COMMD10: variants seen among roughly 807,000 people sequenced by gnomAD.
The protein encoded by COMMD10 is COMM domain-containing protein 10.
In COMMD10, 33 loss-of-function variants were observed where a neutral mutation model predicts 28.9. The observed-to-expected ratio is 1.14, with a 90% confidence interval of 0.87 to 1.53. The LOEUF (loss-of-function observed/expected upper bound fraction) is 1.53, where lower values mean the gene tolerates loss of function less well. COMMD10 is among the 40% of genes most tolerant of loss of function. The pLI, the probability that COMMD10 is intolerant of heterozygous loss-of-function variation, is 0.00. For synonymous variants in COMMD10, 110 were observed against 81.7 expected (o/e 1.35, Z -1.87); for missense variants, 310 against 233.4 (o/e 1.33, Z -2.14).
intron 5 of COMMD10, among the ~76,000 whole-genome samples, chr5:116,254,564 TCA>T (rs749890631): frequency 0.023 from 3,438 of 151,630 alleles, 50 homozygotes; most frequent in Non-Finnish European, 0.033. Flanking sequence ...TACCCAGTAG[TCA>T]TTCAGGAGCA....
chr5:116,122,421 C>T (rs959312652), intron 4 of COMMD10, among the ~76,000 whole-genome samples: 1,154 of 147,590 alleles, frequency 7.8e-3, no homozygotes, highest in African/African-American at 0.028. Context: ...AACGTGATGC[C>T]TCCAGCTTTG....
chr5:116,221,169 C>T (rs189779546), intron 5 of COMMD10, among the ~76,000 whole-genome samples: 16 of 151,356 alleles, frequency 1.1e-4, no homozygotes, highest in Middle Eastern at 3.4e-3. Flanking sequence ...AAACTACAGG[C>T]ACCAGCTGGT....
chr5:116,258,449 A>AT (rs58266995), intron 5 of COMMD10, among the ~76,000 whole-genome samples: 16,872 of 150,486 alleles, frequency 0.11, 1,539 homozygotes, highest in African/African-American at 0.23. Context: ...CTCTGGATTG[A>AT]TTTTTTTTTG....
At chr5:116,235,833 C>T (rs1221291133) in intron 5 of COMMD10, among the ~76,000 whole-genome samples, 1 of 152,094 alleles carries the variant, frequency 6.6e-6, no homozygotes, top group Non-Finnish European at 1.5e-5. Context: ...TATTTGGATT[C>T]AAGTATTTTA....
chr5:116,085,146 G>T (rs1377165458), intron 1 of COMMD10, 53 bp downstream of exon 1: 5 of 1,575,280 alleles, frequency 3.2e-6, no homozygotes, highest in Non-Finnish European at 4.3e-6. Flanking sequence ...GGCCCAGATC[G>T]GGCTCGCACA....
intron 5 of COMMD10, among the ~76,000 whole-genome samples, chr5:116,208,375 T>C (rs1748872224): frequency 6.6e-6 from 1 of 152,136 alleles, no homozygotes; most frequent in African/African-American, 2.4e-5. Context: ...TCTTGGAAGC[T>C]TCCTCATTTA....
At chr5:116,182,854 T>TG (rs1374390524) in intron 5 of COMMD10, among the ~76,000 whole-genome samples, 1 of 152,102 alleles carries the variant, frequency 6.6e-6, no homozygotes, top group Non-Finnish European at 1.5e-5. Context: ...AATTGGATCA[T>TG]GGGGGCAGTT....
chr5:116,236,946 A>C (rs1749680772), intron 5 of COMMD10, among the ~76,000 whole-genome samples: 1 of 152,096 alleles, frequency 6.6e-6, no homozygotes, highest in South Asian at 2.1e-4. Context: ...GCGAAACTAA[A>C]GCCGATCTAA....
chr5:116,248,498 C>G (rs1054579309), intron 5 of COMMD10, among the ~76,000 whole-genome samples: 2 of 152,070 alleles, frequency 1.3e-5, no homozygotes, highest in East Asian at 3.9e-4. Context: ...CTGATCTATG[C>G]CAGGTGTGCG....
At chr5:116,268,009 T>C (rs1377782406) in intron 5 of COMMD10, among the ~76,000 whole-genome samples, 1 of 151,766 alleles carries the variant, frequency 6.6e-6, no homozygotes, top group Non-Finnish European at 1.5e-5. Context: ...GAAGAAAACC[T>C]AGGCAATACC....
chr5:116,135,962 A>C (rs900932045), intron 5 of COMMD10, among the ~76,000 whole-genome samples: 1 of 152,188 alleles, frequency 6.6e-6, no homozygotes, highest in Non-Finnish European at 1.5e-5. Flanking sequence ...ATTTTTATGA[A>C]GACTAAATAC....
chr5:116,130,656 C>T (rs1751834543), intron 4 of COMMD10, among the ~76,000 whole-genome samples: 1 of 151,992 alleles, frequency 6.6e-6, no homozygotes. Flanking sequence ...ATCAAATAGT[C>T]TGTGACCCAA....
At chr5:116,124,156 A>G (rs1028282341) in intron 4 of COMMD10, among the ~76,000 whole-genome samples, 16 of 151,726 alleles carry the variant, frequency 1.1e-4, no homozygotes, top group Non-Finnish European at 2.1e-4. Flanking sequence ...TTTAAATGTG[A>G]TGTTAGGGTG....
intron 5 of COMMD10, among the ~76,000 whole-genome samples, chr5:116,201,650 G>A (rs1748670772): frequency 1.3e-5 from 2 of 152,000 alleles, no homozygotes; most frequent in Non-Finnish European, 1.5e-5. Context: ...AGGATGAAAT[G>A]GTGACTTCCA....
chr5:116,151,454 C>T (rs146933382), intron 5 of COMMD10, among the ~76,000 whole-genome samples: 75,499 of 151,908 alleles, frequency 0.5, 21,748 homozygotes, highest in Non-Finnish European at 0.65. Context: ...CTCCTCGTAC[C>T]TCTGGTAGAA....
intron 4 of COMMD10, among the ~76,000 whole-genome samples, chr5:116,132,509 G>C (rs560180395): frequency 3.6e-4 from 55 of 152,012 alleles, no homozygotes; most frequent in Non-Finnish European, 5.9e-4. Flanking sequence ...ATCACAGTGG[G>C]GTGTGAGTTT....
chr5:116,123,397 C>T lies in COMMD10; in HGVS notation c.400-10671C>T, dbSNP rs1580464431. Among the ~76,000 whole-genome samples the T allele has an allele frequency of 3.9e-5, 6 of 152,244 alleles. 1 individual carries two copies. Among genetic ancestry groups the T allele is most frequent in the Admixed American group, 3.9e-4 (6 of 15,280 alleles). On this transcript the variant is annotated intron_variant, in intron 4 of 6. Transcript: ENST00000274458. ...TATTGATTGGCGTATGTTGAACCAG[C>T]CTTGTATCCCAGGGATGAAGCCGAC...
At chr5:116,248,347 G>C (rs1214253622) in intron 5 of COMMD10, among the ~76,000 whole-genome samples, 1 of 145,702 alleles carries the variant, frequency 6.9e-6, no homozygotes, top group East Asian at 2.0e-4. Context: ...AGCCCTGTGA[G>C]GGATAATTAG....
intron 5 of COMMD10, among the ~76,000 whole-genome samples, chr5:116,224,880 A>G (rs575598850): frequency 6.6e-6 from 1 of 152,350 alleles, no homozygotes; most frequent in East Asian, 1.9e-4. Flanking sequence ...TGGTTCTGTG[A>G]TAACATTTAG....
Sources: gnomAD v4.1 joint callset for allele counts (sites outside exome capture counted in the v4.1 genomes callset) on GRCh38, gnomAD v4.1.1 for gene constraint, MANE v1.5 for transcripts, NCBI Gene and HGNC (gene_info 2026-07-23, HGNC 2026-07-21) for gene names.